Variants in POLR1H observed in about 807,000 individuals in gnomAD.
POLR1H encodes DNA-directed RNA polymerase I subunit RPA12.
Under a neutral mutation model 15.8 loss-of-function variants are expected in POLR1H, and 5 were observed. That is an observed-to-expected ratio of 0.32 (90% CI 0.17 to 0.67). The LOEUF (loss-of-function observed/expected upper bound fraction) is 0.67. POLR1H is among the 30% of genes least tolerant of loss of function. POLR1H has a pLI of 0.74. For missense variants in POLR1H, 100 were observed against 163.4 expected (o/e 0.61, Z 2.11); for synonymous variants, 43 against 58.3 (o/e 0.74, Z 1.20).
In POLR1H at chr6:30,062,321, G is replaced by A. The variant is rs201371274; in HGVS notation, c.344G>A (p.Cys115Tyr). 4.7e-5 allele frequency: 76 copies of A among 1,610,556 alleles called. No homozygotes were observed. The highest frequency in any genetic ancestry group is 6.1e-5 in the Non-Finnish European group (72 of 1,177,894). ...ADEGQTVFYT[C>Y]TNCKFQEKED... ...GAAGGGCAAACTGTCTTCTACACCTGTACCAACTGCAAGTGAGTATTCTTT... is the reference window on the plus strand; with the variant it reads ...GAAGGGCAAACTGTCTTCTACACCTATACCAACTGCAAGTGAGTATTCTTT... Residue 115 changes from cysteine to tyrosine, a missense_variant, in exon 3 of 4, where the codon TGT (cysteine) becomes TAT (tyrosine). By Grantham distance (194) the Cys-to-Tyr change is radical. Around this residue, in one of 2 missense-constraint regions of POLR1H, gnomAD observed 13 missense variants for 43.6 expected, o/e 0.30. Coordinates refer to ENST00000332435, the MANE Select transcript of POLR1H (RefSeq NM_170783.4).
rs1765241875 is a variant in POLR1H at position 30,063,033 on chromosome 6, G to A, written c.356+700G>A. Among the ~76,000 whole-genome samples, 1 of 152,026 alleles carries A rather than the reference G, an allele frequency of 6.6e-6. No individual in the cohort carries two copies. The highest frequency in any genetic ancestry group is 6.6e-5 in the Admixed American group (1 of 15,258). On this transcript the variant is annotated intron_variant, in intron 3 of 3. Coordinates refer to ENST00000332435, the MANE Select transcript of POLR1H (RefSeq NM_170783.4). The surrounding 1 kb of genome is among the most constrained non-coding windows in gnomAD (Gnocchi z 4.1). ...ATGACTTAGAGAACATGGGCTTTCT[G>A]AATGCTTTTAAGACCTCATTTTTGT...
At position 30,063,282 on chromosome 6, in the gene POLR1H, C is replaced by T. The variant is rs9261276; in HGVS notation, c.356+949C>T. 0.052 allele frequency among the ~76,000 whole-genome samples: 7,911 copies of T among 152,088 alleles called. 256 individuals are homozygous for T. The highest frequency in any genetic ancestry group is 0.068 in the Admixed American group (1,038 of 15,276). On this transcript the variant is annotated intron_variant, in intron 3 of 3. Transcript: ENST00000332435. The surrounding 1 kb of genome is among the most constrained non-coding windows in gnomAD (Gnocchi z 4.1). ...AAAGAGGTTTCTCTCTTCTGTCCTC[C>T]ATTTCTCTCACCTTCTTTTCATATT...
In POLR1H at chr6:30,063,947, G is replaced by C. The variant is rs1765312951; in HGVS notation, c.357-726G>C. ...GAGACAGTCAAATTCCCCTTCTATA[G>C]AGTTGAATTTTTTCTTTTCTTGTTC... On this transcript the variant is annotated intron_variant, in intron 3 of 3. Transcript: ENST00000332435. This position sits in a 1 kb window ranked among gnomAD's most constrained non-coding sequence, Gnocchi z 4.1. 6.6e-6 allele frequency among the ~76,000 whole-genome samples: 1 copy of C among 152,146 alleles called. No individual in the cohort carries two copies.
Position 30,064,778 on chromosome 6 carries a change from C to A in POLR1H, c.*81C>A. 7.6e-7 allele frequency: 1 copy of A among 1,312,440 alleles called. No homozygotes were observed. The highest frequency in any genetic ancestry group is 1.1e-6 in the Non-Finnish European group (1 of 929,954). 81.3% of individuals were successfully genotyped at this position (1,312,440 alleles called of 1,614,324 possible). A position where few individuals can be genotyped will look rare whatever the true frequency, so the allele number is the denominator to read the frequency against. On this transcript the variant is annotated 3_prime_UTR_variant, in exon 4 of 4. Transcript: ENST00000332435. ...TGGGTTTTTAGATGCCTTGTCCATCCTGTCTGGTTGCAATGTTTTGCTCCC... is the reference window on the plus strand; with the variant it reads ...TGGGTTTTTAGATGCCTTGTCCATCATGTCTGGTTGCAATGTTTTGCTCCC...
Position 30,061,846 on chromosome 6 carries a change from G to A in POLR1H, c.146-71G>A. On this transcript the variant is annotated intron_variant, in intron 1 of 3. Coordinates refer to ENST00000332435, the MANE Select transcript of POLR1H (RefSeq NM_170783.4). This position sits in a 1 kb window ranked among gnomAD's most constrained non-coding sequence, Gnocchi z 5.0. Reference sequence around the variant, plus strand: ...AGGGCCTCCTGGCCTAACCAGCCAGGGGAAAGGGGAGGTTTCCGGTGTCAG... The same window carrying A: ...AGGGCCTCCTGGCCTAACCAGCCAGAGGAAAGGGGAGGTTTCCGGTGTCAG... 2 of 1,578,518 alleles carry A rather than the reference G, an allele frequency of 1.3e-6. No individual in the cohort carries two copies. Among genetic ancestry groups the A allele is most frequent in the South Asian group, 1.1e-5 (1 of 89,652 alleles).
chr6:30,064,780 G>A lies in POLR1H; in HGVS notation c.*83G>A, dbSNP rs1190091449. 1 of 1,292,530 alleles carries A rather than the reference G, an allele frequency of 7.7e-7. No individual in the cohort carries two copies. The highest frequency in any genetic ancestry group is 2.4e-5 in the East Asian group (1 of 40,968). 80.1% of individuals were successfully genotyped at this position (1,292,530 alleles called of 1,614,324 possible). A position where few individuals can be genotyped will look rare whatever the true frequency, so the allele number is the denominator to read the frequency against. The stretch of plus-strand genomic sequence containing the variant: ...GGTTTTTAGATGCCTTGTCCATCCT[G>A]TCTGGTTGCAATGTTTTGCTCCCAG... On this transcript the variant is annotated 3_prime_UTR_variant, in exon 4 of 4. Transcript: ENST00000332435.
In POLR1H at chr6:30,063,213, C is replaced by A. The variant is rs555042884; in HGVS notation, c.356+880C>A. On this transcript the variant is annotated intron_variant, in intron 3 of 3. Coordinates refer to ENST00000332435, the MANE Select transcript of POLR1H (RefSeq NM_170783.4). This position sits in a 1 kb window ranked among gnomAD's most constrained non-coding sequence, Gnocchi z 4.1. The stretch of plus-strand genomic sequence containing the variant: ...ATCTCTTTTAATATTCTCTTTCCCC[C>A]ATGTTCTCAGTCCTCACATTCTGGA... Among the ~76,000 whole-genome samples, 465 of 152,104 alleles carry A rather than the reference C, an allele frequency of 3.1e-3. 1 individual carries two copies. Among genetic ancestry groups the A allele is most frequent in the Admixed American group, 7.3e-3 (112 of 15,286 alleles).
At chr6:30,062,105 C>T in intron 2 of POLR1H, 88 bp downstream of exon 2, 2 of 1,468,782 alleles carry the variant, frequency 1.4e-6, no homozygotes, top group South Asian at 2.3e-5. Flanking sequence ...AGTTTTGTGC[C>T]CAATTCCAAG....
chr6:30,061,851 A>T lies in POLR1H; in HGVS notation c.146-66A>T. On this transcript the variant is annotated intron_variant, in intron 1 of 3. Transcript: ENST00000332435. This position sits in a 1 kb window ranked among gnomAD's most constrained non-coding sequence, Gnocchi z 5.0. ...CTCCTGGCCTAACCAGCCAGGGGAAAGGGGAGGTTTCCGGTGTCAGCTCTC... is the reference window on the plus strand; with the variant it reads ...CTCCTGGCCTAACCAGCCAGGGGAATGGGGAGGTTTCCGGTGTCAGCTCTC... 6.3e-7 allele frequency: 1 copy of T among 1,582,522 alleles called. No homozygotes were observed. Among genetic ancestry groups the T allele is most frequent in the Non-Finnish European group, 8.7e-7 (1 of 1,154,322 alleles).
At chr6:30,064,148 G>GTCTGGATT (rs1765324562) in intron 3 of POLR1H, among the ~76,000 whole-genome samples, 1 of 152,154 alleles carries the variant, frequency 6.6e-6, no homozygotes, top group Non-Finnish European at 1.5e-5. Flanking sequence ...TAACTTCCCT[G>GTCTGGATT]TCTGGATTTC....
chr6:30,061,512 C>A lies in POLR1H; in HGVS notation c.-13C>A. 2 of 1,612,898 alleles carry A rather than the reference C, an allele frequency of 1.2e-6. No homozygotes were observed. The highest frequency in any genetic ancestry group is 1.7e-6 in the Non-Finnish European group (2 of 1,179,916). ...GTTAATAAACTTCCAACTCCCTCCT[C>A]AGACCCGACCGCATGTCTGTCATGG... On this transcript the variant is annotated 5_prime_UTR_variant, in exon 1 of 4. Coordinates refer to ENST00000332435, the MANE Select transcript of POLR1H (RefSeq NM_170783.4). This position sits in a 1 kb window ranked among gnomAD's most constrained non-coding sequence, Gnocchi z 5.0.
rs1175855244 is a variant in POLR1H, at chr6:30,063,817, T to A, written c.357-856T>A. Among the ~76,000 whole-genome samples, 4 of 152,196 alleles carry A rather than the reference T, an allele frequency of 2.6e-5. No individual in the cohort carries two copies. Among genetic ancestry groups the A allele is most frequent in the African/African-American group, 9.7e-5 (4 of 41,448 alleles). ...CTTTAAATAAATTCTTGGCTTCATGTTTTTTGGAGCAGACAGATAGTATGA... is the reference window on the plus strand; with the variant it reads ...CTTTAAATAAATTCTTGGCTTCATGATTTTTGGAGCAGACAGATAGTATGA... On this transcript the variant is annotated intron_variant, in intron 3 of 3. Transcript: ENST00000332435. This position sits in a 1 kb window ranked among gnomAD's most constrained non-coding sequence, Gnocchi z 4.1.
At position 30,061,711 on chromosome 6, in the gene POLR1H, G is replaced by A. The variant is rs377427340; in HGVS notation, c.145+42G>A. On this transcript the variant is annotated intron_variant, in intron 1 of 3. Coordinates refer to ENST00000332435, the MANE Select transcript of POLR1H (RefSeq NM_170783.4). The surrounding 1 kb of genome is among the most constrained non-coding windows in gnomAD (Gnocchi z 5.0). ...CAGGGGTCCTGGCGGAGGGCGCAGG[G>A]TCGGAAGCTTGGGGAACTCAAGATC... 111 of 1,610,450 alleles carry A rather than the reference G, an allele frequency of 6.9e-5. No individual in the cohort carries two copies. Among genetic ancestry groups the A allele is most frequent in the Non-Finnish European group, 8.8e-5 (104 of 1,178,218 alleles).
At position 30,062,167 on chromosome 6, in the gene POLR1H, C is replaced by T. The variant is rs1174804675; in HGVS notation, c.247-57C>T. On this transcript the variant is annotated intron_variant, in intron 2 of 3. Coordinates refer to ENST00000332435, the MANE Select transcript of POLR1H (RefSeq NM_170783.4). ...GTTTGAGAGGCGTGATCGCCTGATTCCTGTGGGAAGTAAGGGGATATGACC... is the reference window on the plus strand; with the variant it reads ...GTTTGAGAGGCGTGATCGCCTGATTTCTGTGGGAAGTAAGGGGATATGACC... 12 of 1,498,044 alleles carry T rather than the reference C, an allele frequency of 8.0e-6. 1 individual carries two copies. Among genetic ancestry groups the T allele is most frequent in the Non-Finnish European group, 1.1e-5 (12 of 1,075,776 alleles). The allele number at this position is 1,498,044 out of a possible 1,614,324, so 92.8% of individuals were successfully genotyped here. A position where few individuals can be genotyped will look rare whatever the true frequency, so the allele number is the denominator to read the frequency against.
In POLR1H at chr6:30,062,714, C is replaced by CCTTTTTTT. The variant is rs749507630; in HGVS notation, c.356+381_356+382insCTTTTTTT. Among the ~76,000 whole-genome samples the CCTTTTTTT allele has an allele frequency of 1.6e-3, 68 of 42,390 alleles. 4 individuals carry two copies. Among genetic ancestry groups the CCTTTTTTT allele is most frequent in the Middle Eastern group, 0.016 (1 of 64 alleles). The allele number at this position is 42,390 out of a possible 152,430, so 27.8% of individuals were successfully genotyped here. On this transcript the variant is annotated intron_variant, in intron 3 of 3. Transcript: ENST00000332435. ...CACAGACACATGCCACCACGCCTGG[C>CCTTTTTTT]TTTTTTTTTTTTTTTTTTTTTTTTT...
Position 30,061,423 on chromosome 6 carries a change from A to G in POLR1H, c.-102A>G. Reference sequence around the variant, plus strand: ...CGTGCGTGGCAGGAGGGTTCGGGTTATATACTCCTAGGTCCTGGGACAGAA... The same window carrying G: ...CGTGCGTGGCAGGAGGGTTCGGGTTGTATACTCCTAGGTCCTGGGACAGAA... On this transcript the variant is annotated 5_prime_UTR_variant, in exon 1 of 4. Transcript: ENST00000332435. This position sits in a 1 kb window ranked among gnomAD's most constrained non-coding sequence, Gnocchi z 5.0. 7.2e-7 allele frequency: 1 copy of G among 1,386,682 alleles called. No homozygotes were observed. The highest frequency in any genetic ancestry group is 9.9e-7 in the Non-Finnish European group (1 of 1,008,966). The allele number at this position is 1,386,682 out of a possible 1,614,324, so 85.9% of individuals were successfully genotyped here. A position where few individuals can be genotyped will look rare whatever the true frequency, so the allele number is the denominator to read the frequency against.
chr6:30,064,772 TC>T lies in POLR1H; in HGVS notation c.*77del. On this transcript the variant is annotated 3_prime_UTR_variant, in exon 4 of 4. Coordinates refer to ENST00000332435, the MANE Select transcript of POLR1H (RefSeq NM_170783.4). ...GGATACTGGGTTTTTAGATGCCTTG[TC>T]CATCCTGTCTGGTTGCAATGTTTTG... 7.4e-7 allele frequency: 1 copy of T among 1,346,020 alleles called. No homozygotes were observed. Among genetic ancestry groups the T allele is most frequent in the Non-Finnish European group, 1.0e-6 (1 of 956,556 alleles). The allele number at this position is 1,346,020 out of a possible 1,614,324, so 83.4% of individuals were successfully genotyped here. A position where few individuals can be genotyped will look rare whatever the true frequency, so the allele number is the denominator to read the frequency against.
upstream of POLR1H, chr6:30,061,023 A>G (rs9295829): frequency 0.23 from 35,588 of 153,466 alleles, 4,629 homozygotes; most frequent in East Asian, 0.29. This position sits in a 1 kb window ranked among gnomAD's most constrained non-coding sequence, Gnocchi z 5.0. Flanking sequence ...AAGAGAATAA[A>G]TATCCCAGGA....
chr6:30,064,863 A>C lies in POLR1H; in HGVS notation c.*166A>C, dbSNP rs1053529883. On this transcript the variant is annotated 3_prime_UTR_variant, in exon 4 of 4. Coordinates refer to ENST00000332435, the MANE Select transcript of POLR1H (RefSeq NM_170783.4). ...TTGTTCCTGGAGTACTCCTACCCTT[A>C]GTTGAATTTCCTTATTAAAGTTATA... is the stretch of plus-strand genomic sequence containing the variant. The C allele has an allele frequency of 8.7e-6, 4 of 457,328 alleles. No homozygotes were observed. The highest frequency in any genetic ancestry group is 1.5e-5 in the Non-Finnish European group (4 of 261,334). 28.3% of individuals were successfully genotyped at this position (457,328 alleles called of 1,614,324 possible). A position where few individuals can be genotyped will look rare whatever the true frequency, so the allele number is the denominator to read the frequency against.
Sources: allele counts gnomAD v4.1 joint callset (sites outside exome capture counted in the v4.1 genomes callset), GRCh38; gene constraint gnomAD v4.1.1; regional missense constraint gnomAD v4.1.1; non-coding constraint Gnocchi (gnomAD v3.1); transcripts MANE v1.5; gene names NCBI Gene and HGNC (gene_info 2026-07-23, HGNC 2026-07-21).